Variants in CSMD3 observed in about 807,000 individuals in gnomAD.
CSMD3 encodes the protein CUB and Sushi multiple domains 3.
In CSMD3, 177 loss-of-function variants were observed where a neutral mutation model predicts 435.2. The observed-to-expected ratio is 0.41, with a 90% CI of 0.36 to 0.46. The LOEUF (loss-of-function observed/expected upper bound fraction) is 0.46, where lower values mean the gene tolerates loss of function less well. CSMD3 is among the 20% of genes least tolerant of loss of function. The probability of loss-of-function intolerance (pLI) is 0.34; values close to 1 mark genes in which losing one functional copy is unlikely to be tolerated. For synonymous variants in CSMD3, 1,656 were observed against 1,520.5 expected, an observed-to-expected ratio of 1.09 and a Z score of -2.07; for missense variants, 4,265 against 4,504.6, an observed-to-expected ratio of 0.95 and a Z score of 1.52.
chr8:112,636,689 A>C, intron 22 of CSMD3, 128 bp downstream of exon 22: 1 of 825,240 alleles, frequency 1.2e-6, no homozygotes, highest in Non-Finnish European at 2.0e-6. Flanking sequence ...AAATAGAAAA[A>C]AAGTTGAAAT....
chr8:112,335,718 T>C (rs1824490469), intron 44 of CSMD3, among the ~76,000 whole-genome samples: 1 of 150,592 alleles, frequency 6.6e-6, no homozygotes, highest in South Asian at 2.1e-4. Context: ...ATATTAGTTA[T>C]AATCAATACA....
chr8:112,326,578 A>G (rs1823533252), intron 45 of CSMD3, among the ~76,000 whole-genome samples: 2 of 152,224 alleles, frequency 1.3e-5, no homozygotes, highest in Non-Finnish European at 2.9e-5. Context: ...TATTGGCATC[A>G]GCATTTCTGC....
chr8:112,248,054 A>T (rs2130171316), intron 63 of CSMD3, among the ~76,000 whole-genome samples: 1 of 152,206 alleles, frequency 6.6e-6, no homozygotes, highest in Admixed American at 6.5e-5. Flanking sequence ...ACAAGAAAAC[A>T]AATCACCAGA....
chr8:112,630,544 T>C (rs2074486070), intron 22 of CSMD3, among the ~76,000 whole-genome samples: 1 of 152,118 alleles, frequency 6.6e-6, no homozygotes, highest in African/African-American at 2.4e-5. Flanking sequence ...TTATTATTCT[T>C]ATGCTACTAT....
At chr8:112,537,198 GA>G (rs962045827) in intron 27 of CSMD3, among the ~76,000 whole-genome samples, 15 of 151,536 alleles carry the variant, frequency 9.9e-5, no homozygotes, top group Admixed American at 7.9e-4. Flanking sequence ...AAGATTTCTT[GA>G]AAAAAGGAAA....
chr8:113,216,465 T>A (rs575386790), intron 3 of CSMD3, among the ~76,000 whole-genome samples: 28 of 152,080 alleles, frequency 1.8e-4, no homozygotes, highest in African/African-American at 6.5e-4. Flanking sequence ...AGTAATTCTA[T>A]TTCATTGTAT....
At chr8:113,351,323 C>T (rs1413665259) in intron 1 of CSMD3, among the ~76,000 whole-genome samples, 1 of 152,016 alleles carries the variant, frequency 6.6e-6, no homozygotes, top group African/African-American at 2.4e-5. Flanking sequence ...AGACTAAAAC[C>T]CCAAACAGTT....
At chr8:112,984,922 T>C (rs1213231127) in intron 6 of CSMD3, among the ~76,000 whole-genome samples, 5 of 152,042 alleles carry the variant, frequency 3.3e-5, no homozygotes, top group Non-Finnish European at 7.4e-5. Flanking sequence ...TTCCATCTTC[T>C]CTTTACCTCA....
At chr8:113,399,539 A>T (rs2094500191) in intron 1 of CSMD3, among the ~76,000 whole-genome samples, 1 of 151,980 alleles carries the variant, frequency 6.6e-6, no homozygotes, top group Admixed American at 6.6e-5. Flanking sequence ...GAAAAAAAAA[A>T]AGTTACAAAA....
chr8:113,378,599 A>C (rs2133093765), intron 1 of CSMD3, among the ~76,000 whole-genome samples: 1 of 152,344 alleles, frequency 6.6e-6, no homozygotes, highest in Admixed American at 6.5e-5. Flanking sequence ...CCATGCAGCG[A>C]ACCTAAAAAG....
In CSMD3 at chr8:113,286,483, T is replaced by C. The variant is rs568809676; in HGVS notation, c.402-7779A>G. 1.3e-3 allele frequency among the ~76,000 whole-genome samples: 197 copies of C among 152,218 alleles called. 1 individual carries two copies. The highest frequency in any genetic ancestry group is 4.3e-3 in the African/African-American group (180 of 41,562). ...AATAATAAATTGTACGTTTAGAATA[T>C]TTTGTAATTAATGAGAATTAACATA... On this transcript the variant is annotated intron_variant, in intron 2 of 70. Transcript: ENST00000297405.
chr8:112,965,485 T>C (rs1054692875), intron 7 of CSMD3, among the ~76,000 whole-genome samples: 1 of 151,862 alleles, frequency 6.6e-6, no homozygotes, highest in Non-Finnish European at 1.5e-5. Flanking sequence ...GAAAAAAATA[T>C]ATAGGTTTCC....
chr8:113,004,498 T>A (rs1300212364), intron 6 of CSMD3, among the ~76,000 whole-genome samples: 3 of 152,004 alleles, frequency 2.0e-5, no homozygotes, highest in African/African-American at 7.2e-5. Context: ...GCTTAAAATG[T>A]TGTATCCTTT....
intron 11 of CSMD3, among the ~76,000 whole-genome samples, chr8:112,849,217 A>G (rs2080414769): frequency 6.6e-6 from 1 of 151,988 alleles, no homozygotes; most frequent in South Asian, 2.1e-4. Flanking sequence ...TTAATCTTTC[A>G]TTACTCACCT....
At chr8:113,136,214 A>G (rs1430635480) in intron 4 of CSMD3, among the ~76,000 whole-genome samples, 1 of 151,752 alleles carries the variant, frequency 6.6e-6, no homozygotes, top group Non-Finnish European at 1.5e-5. Context: ...AAGTTTTCTG[A>G]GCCATCGCAG....
intron 2 of CSMD3, among the ~76,000 whole-genome samples, chr8:113,292,124 C>A (rs557198783): frequency 1.1e-4 from 16 of 151,606 alleles, no homozygotes; most frequent in African/African-American, 3.6e-4. Context: ...ATTATTATTT[C>A]TTTCTTTAGG....
chr8:112,259,561 C>T (rs928893353), intron 61 of CSMD3, among the ~76,000 whole-genome samples: 3 of 152,098 alleles, frequency 2.0e-5, no homozygotes, highest in East Asian at 3.9e-4. Context: ...GCACGTTCTT[C>T]ACCTGTACCC....
At chr8:112,825,287 A>G (rs2132453993) in intron 12 of CSMD3, among the ~76,000 whole-genome samples, 1 of 152,276 alleles carries the variant, frequency 6.6e-6, no homozygotes, top group South Asian at 2.1e-4. Flanking sequence ...ATTACTCAAC[A>G]TCTGAAGCCT....
chr8:112,443,157 A>G (rs935750911), intron 32 of CSMD3, among the ~76,000 whole-genome samples: 1 of 152,190 alleles, frequency 6.6e-6, no homozygotes, highest in Admixed American at 6.5e-5. Flanking sequence ...GGAGTGTTTA[A>G]GACACTAGTG....
Sources: allele counts gnomAD v4.1 joint callset (sites outside exome capture counted in the v4.1 genomes callset), GRCh38; gene constraint gnomAD v4.1.1; transcripts MANE v1.5; gene names NCBI Gene and HGNC (gene_info 2026-07-23, HGNC 2026-07-21).